Variants in LYAR observed in about 807,000 individuals in gnomAD.
LYAR encodes the protein cell growth-regulating nucleolar protein.
LYAR carries 37 observed loss-of-function variants against 45.2 expected under a neutral mutation model. The observed-to-expected ratio is 0.82, with a 90% CI of 0.63 to 1.08. LYAR has a LOEUF of 1.08. LYAR is among the 50% of genes least tolerant of loss of function. The pLI, the probability that LYAR is intolerant of heterozygous loss-of-function variation, is 0.00. For synonymous variants in LYAR, 176 were observed against 155.1 expected, an observed-to-expected ratio of 1.14 and a Z score of -1.00; for missense variants, 493 against 451.0, an observed-to-expected ratio of 1.09 and a Z score of -0.84.
At chr4:4,281,046 C>A (rs1438799628) in intron 4 of LYAR, among the ~76,000 whole-genome samples, 1 of 152,190 alleles carries the variant, frequency 6.6e-6, no homozygotes, top group Non-Finnish European at 1.5e-5. Flanking sequence ...TGTTTTCATG[C>A]TGTTTTAGTT....
At chr4:4,275,357 C>T (rs1418548500) in intron 6 of LYAR, among the ~76,000 whole-genome samples, 1 of 151,978 alleles carries the variant, frequency 6.6e-6, no homozygotes, top group Non-Finnish European at 1.5e-5. Context: ...AAATTATCAG[C>T]CTTAGAAAAT....
Sources: allele counts gnomAD v4.1 joint callset (sites outside exome capture counted in the v4.1 genomes callset), GRCh38; gene constraint gnomAD v4.1.1; transcripts MANE v1.5; gene names NCBI Gene and HGNC (gene_info 2026-07-23, HGNC 2026-07-21).